The following ROBO2 variants were observed in gnomAD, a reference collection of about 807,000 sequenced individuals.
ROBO2 encodes the protein roundabout guidance receptor 2, also known as roundabout homolog 2.
ROBO2 carries 53 observed loss-of-function variants against 160.8 expected under a neutral mutation model. The observed-to-expected ratio is 0.33, with a 90% CI of 0.26 to 0.41. The LOEUF (loss-of-function observed/expected upper bound fraction) is 0.41, where lower values mean the gene tolerates loss of function less well. Among genes scored for constraint, ROBO2 ranks in the 10% least tolerant of loss-of-function variants. The pLI, the probability that ROBO2 is intolerant of heterozygous loss-of-function variation, is 1.00. For synonymous variants in ROBO2, 664 were observed against 611.7 expected (o/e 1.09, Z -1.26); for missense variants, 1,577 against 1,722.4 (o/e 0.92, Z 1.49).
intron 2 of ROBO2, among the ~76,000 whole-genome samples, chr3:76,189,650 T>C (rs1021007252): frequency 6.6e-6 from 1 of 152,110 alleles, no homozygotes; most frequent in Non-Finnish European, 1.5e-5. Context: ...TTCTTAATTT[T>C]ATGCCCAACT....
At chr3:76,316,483 C>A (rs2107829626) in intron 2 of ROBO2, among the ~76,000 whole-genome samples, 1 of 132,300 alleles carries the variant, frequency 7.6e-6, no homozygotes, top group South Asian at 2.2e-4. Flanking sequence ...GGCAGTCAGA[C>A]CTTATGGTCG....
At chr3:76,492,663 T>C (rs973407559) in intron 2 of ROBO2, among the ~76,000 whole-genome samples, 20 of 152,178 alleles carry the variant, frequency 1.3e-4, no homozygotes, top group Admixed American at 6.5e-4. Flanking sequence ...TTTTACCTGA[T>C]TTGTCCATCG....
chr3:77,208,849 C>T (rs2083750044), intron 2 of ROBO2, among the ~76,000 whole-genome samples: 1 of 152,094 alleles, frequency 6.6e-6, no homozygotes, highest in Non-Finnish European at 1.5e-5. Flanking sequence ...AAAGGCATGT[C>T]CAGATGACAT....
In ROBO2 at chr3:76,680,358, T is replaced by TAAAA. The variant is rs3066796; in HGVS notation, c.110-417643_110-417640dup. On this transcript the variant is annotated intron_variant, in intron 2 of 26. Coordinates refer to the ROBO2 transcript ENST00000487694. Reference sequence around the variant, plus strand: ...TATATACTTCCTGACATGGATATATTAAAAAAAAAAAAAAAACGGCGAACA... The same window carrying TAAAA: ...TATATACTTCCTGACATGGATATATTAAAAAAAAAAAAAAAAAAAACGGCGAACA... Among the ~76,000 whole-genome samples, 807 of 143,636 alleles carry TAAAA rather than the reference T, an allele frequency of 5.6e-3. 7 individuals are homozygous for TAAAA. Among genetic ancestry groups the TAAAA allele is most frequent in the African/African-American group, 0.019 (766 of 39,682 alleles). 94.2% of individuals were successfully genotyped at this position (143,636 alleles called of 152,430 possible). A position where few individuals can be genotyped will look rare whatever the true frequency, so the allele number is the denominator to read the frequency against.
intron 2 of ROBO2, among the ~76,000 whole-genome samples, chr3:76,461,658 G>A (rs1301562628): frequency 6.6e-6 from 1 of 152,132 alleles, no homozygotes; most frequent in African/African-American, 2.4e-5. Flanking sequence ...AAATATTTCA[G>A]AACAATTTCT....
chr3:77,450,088 A>G (rs1476688661), intron 2 of ROBO2, among the ~76,000 whole-genome samples: 6 of 152,204 alleles, frequency 3.9e-5, no homozygotes, highest in South Asian at 2.1e-4. Context: ...GTTTGTCCAT[A>G]TGAGAAATAG....
intron 2 of ROBO2, among the ~76,000 whole-genome samples, chr3:76,005,945 T>A (rs1323259576): frequency 6.6e-5 from 10 of 152,184 alleles, no homozygotes; most frequent in Non-Finnish European, 1.5e-4. Flanking sequence ...AACAACAGAA[T>A]AAATGTTTGC....
At chr3:77,402,644 C>T (rs980325334) in intron 2 of ROBO2, among the ~76,000 whole-genome samples, 2 of 151,818 alleles carry the variant, frequency 1.3e-5, no homozygotes, top group Non-Finnish European at 1.5e-5. Context: ...TGACTGTTAA[C>T]GGAAGAATGC....
chr3:77,311,663 A>C (rs530349456), intron 2 of ROBO2, among the ~76,000 whole-genome samples: 1 of 152,304 alleles, frequency 6.6e-6, no homozygotes, highest in South Asian at 2.1e-4. Context: ...TGAACCTCTT[A>C]ACTTCTCAGG....
intron 2 of ROBO2, among the ~76,000 whole-genome samples, chr3:76,791,791 AACC>A (rs1270030002): frequency 4.0e-5 from 6 of 151,788 alleles, no homozygotes; most frequent in African/African-American, 1.5e-4. Context: ...CCACAGATTC[AACC>A]AACCATGGAT....
At chr3:76,594,343 A>C (rs746346923) in intron 2 of ROBO2, among the ~76,000 whole-genome samples, 7 of 152,182 alleles carry the variant, frequency 4.6e-5, no homozygotes, top group Non-Finnish European at 1.0e-4. Flanking sequence ...TGGTGGTACA[A>C]TTATAAGACA....
intron 19 of ROBO2, among the ~76,000 whole-genome samples, chr3:77,599,434 G>T: frequency 6.7e-6 from 1 of 148,800 alleles, no homozygotes; most frequent in Non-Finnish European, 1.5e-5. Flanking sequence ...ACTCATAGGT[G>T]GGAATTGAAC....
At chr3:76,272,789 A>AT (rs1553692956) in intron 2 of ROBO2, among the ~76,000 whole-genome samples, 5 of 16,220 alleles carry the variant, frequency 3.1e-4, no homozygotes, top group East Asian at 2.7e-3. Context: ...AAATATATAA[A>AT]ATATATATAT....
At chr3:76,927,168 T>C (rs2077039877) in intron 2 of ROBO2, among the ~76,000 whole-genome samples, 1 of 152,116 alleles carries the variant, frequency 6.6e-6, no homozygotes, top group Admixed American at 6.5e-5. Flanking sequence ...TAACAGATGG[T>C]CAACTAATTT....
intron 1 of ROBO2, among the ~76,000 whole-genome samples, chr3:77,072,621 C>G (rs2067542991): frequency 6.6e-6 from 1 of 152,122 alleles, no homozygotes; most frequent in Non-Finnish European, 1.5e-5. Context: ...CCTGTTATAT[C>G]CCCCTTGATT....
At chr3:77,389,250 A>AT (rs1039889742) in intron 2 of ROBO2, among the ~76,000 whole-genome samples, 11 of 151,974 alleles carry the variant, frequency 7.2e-5, no homozygotes, top group African/African-American at 2.2e-4. Context: ...GGCCTTATTT[A>AT]TTTTTTTAAC....
chr3:77,207,770 T>C (rs959181680), intron 2 of ROBO2, among the ~76,000 whole-genome samples: 1 of 152,234 alleles, frequency 6.6e-6, no homozygotes, highest in Admixed American at 6.5e-5. Context: ...CCTCAGTTAA[T>C]GTGAGGCAAT....
chr3:76,679,931 T>C (rs2092512292), intron 2 of ROBO2, among the ~76,000 whole-genome samples: 1 of 152,164 alleles, frequency 6.6e-6, no homozygotes, highest in Admixed American at 6.6e-5. Flanking sequence ...GTGTTATTTT[T>C]CCAGAGCCAT....
At chr3:76,575,599 T>G (rs940882537) in intron 2 of ROBO2, among the ~76,000 whole-genome samples, 1 of 152,046 alleles carries the variant, frequency 6.6e-6, no homozygotes, top group Non-Finnish European at 1.5e-5. Context: ...ACCTTCCCCC[T>G]TTTGGGCCAA....
Sources: allele counts gnomAD v4.1 joint callset (sites outside exome capture counted in the v4.1 genomes callset), GRCh38; gene constraint gnomAD v4.1.1; transcripts MANE v1.5; gene names NCBI Gene and HGNC (gene_info 2026-07-23, HGNC 2026-07-21).